Variants in LHFPL6 observed in about 807,000 individuals in gnomAD.
LHFPL6 encodes LHFPL tetraspan subfamily member 6.
Under a neutral mutation model 20.6 loss-of-function variants are expected in LHFPL6, and 9 were observed. That is an observed-to-expected ratio of 0.44 (90% confidence interval 0.26 to 0.76). LHFPL6 has a LOEUF of 0.76. Among genes scored for constraint, LHFPL6 ranks in the 30% least tolerant of loss-of-function variants. The probability of loss-of-function intolerance (pLI) is 0.20; values close to 1 mark genes in which losing one functional copy is unlikely to be tolerated. For synonymous variants in LHFPL6, 105 were observed against 98.7 expected (o/e 1.06, Z -0.38); for missense variants, 218 against 253.5 (o/e 0.86, Z 0.95).
At chr13:39,349,241 T>C (rs1019725811) in intron 3 of LHFPL6, among the ~76,000 whole-genome samples, 1 of 152,234 alleles carries the variant, frequency 6.6e-6, no homozygotes, top group Admixed American at 6.5e-5. Context: ...GAATTTGTTC[T>C]AGTATTACAA....
chr13:39,401,626 TC>T (rs1050003009), intron 2 of LHFPL6, among the ~76,000 whole-genome samples: 1 of 152,204 alleles, frequency 6.6e-6, no homozygotes, highest in Non-Finnish European at 1.5e-5. Flanking sequence ...AATTCAGGTT[TC>T]ACAAAAGTAC....
intron 2 of LHFPL6, among the ~76,000 whole-genome samples, chr13:39,492,071 C>T (rs538416407): frequency 6.6e-5 from 10 of 152,328 alleles, no homozygotes; most frequent in African/African-American, 2.4e-4. Flanking sequence ...CTTTCTATCT[C>T]CTTATCTCTA....
chr13:39,565,961 C>A (rs1871701255), intron 2 of LHFPL6, among the ~76,000 whole-genome samples: 1 of 152,144 alleles, frequency 6.6e-6, no homozygotes, highest in Admixed American at 6.5e-5. Context: ...AACAGAAAAA[C>A]AGTAAGGACA....
intron 2 of LHFPL6, among the ~76,000 whole-genome samples, chr13:39,482,330 A>G (rs983660087): frequency 5.9e-5 from 9 of 152,078 alleles, no homozygotes; most frequent in Non-Finnish European, 1.0e-4. Context: ...TGTAATCCCC[A>G]CTACTCAGGA....
intron 2 of LHFPL6, among the ~76,000 whole-genome samples, chr13:39,548,375 C>G (rs1456825187): frequency 1.3e-5 from 2 of 151,980 alleles, no homozygotes; most frequent in African/African-American, 4.8e-5. Context: ...AATTAAAGAA[C>G]CACCTGGATG....
intron 2 of LHFPL6, among the ~76,000 whole-genome samples, chr13:39,441,389 T>C (rs1257947035): frequency 6.6e-6 from 1 of 152,070 alleles, no homozygotes; most frequent in African/African-American, 2.4e-5. Flanking sequence ...ATTTAAAATA[T>C]GGCTGGGGCA....
chr13:39,349,957 C>T (rs967648430), intron 3 of LHFPL6, among the ~76,000 whole-genome samples: 4 of 152,134 alleles, frequency 2.6e-5, no homozygotes, highest in Admixed American at 2.0e-4. Context: ...CTCTAGAGTT[C>T]GGAGCTTGAA....
chr13:39,548,696 T>C (rs975352067), intron 2 of LHFPL6, among the ~76,000 whole-genome samples: 4 of 152,102 alleles, frequency 2.6e-5, no homozygotes, highest in Admixed American at 2.6e-4. Context: ...TCTCCCTCCT[T>C]AATACCATGC....
chr13:39,508,649 C>T (rs1296667858), intron 2 of LHFPL6, among the ~76,000 whole-genome samples: 1 of 152,142 alleles, frequency 6.6e-6, no homozygotes, highest in African/African-American at 2.4e-5. Context: ...TGCATTGTTG[C>T]ATGTATTATA....
At chr13:39,579,271 C>T (rs1294720070) in intron 2 of LHFPL6, among the ~76,000 whole-genome samples, 2 of 152,194 alleles carry the variant, frequency 1.3e-5, no homozygotes, top group African/African-American at 4.8e-5. Flanking sequence ...TCTCCACCCA[C>T]CACAAGTCTT....
intron 2 of LHFPL6, among the ~76,000 whole-genome samples, chr13:39,520,057 C>A (rs1048431260): frequency 6.6e-6 from 1 of 152,172 alleles, no homozygotes; most frequent in African/African-American, 2.4e-5. Flanking sequence ...TCAGAAGGTT[C>A]TGATCCACCC....
At chr13:39,382,908 T>C (rs1247875854) in intron 2 of LHFPL6, among the ~76,000 whole-genome samples, 2 of 152,110 alleles carry the variant, frequency 1.3e-5, no homozygotes, top group Non-Finnish European at 2.9e-5. Context: ...GGAAAGAAAC[T>C]GCAGACTCCA....
intron 3 of LHFPL6, among the ~76,000 whole-genome samples, chr13:39,370,743 A>G (rs1463954949): frequency 6.6e-6 from 1 of 152,186 alleles, no homozygotes; most frequent in Non-Finnish European, 1.5e-5. Context: ...GCATGAAGCA[A>G]CCCGAAAAGT....
chr13:39,597,002 A>G (rs1485048957), intron 2 of LHFPL6, among the ~76,000 whole-genome samples: 1 of 152,190 alleles, frequency 6.6e-6, no homozygotes, highest in Non-Finnish European at 1.5e-5. Flanking sequence ...CATAACATAG[A>G]GCAAGGGATG....
At chr13:39,378,856 T>C (rs1316729613) in intron 2 of LHFPL6, among the ~76,000 whole-genome samples, 5 of 152,228 alleles carry the variant, frequency 3.3e-5, no homozygotes, top group Admixed American at 1.3e-4. Context: ...CATTAATCCA[T>C]GCAAACAAGT....
At chr13:39,529,223 C>T (rs1870385554) in intron 2 of LHFPL6, among the ~76,000 whole-genome samples, 1 of 152,058 alleles carries the variant, frequency 6.6e-6, no homozygotes, top group South Asian at 2.1e-4. Context: ...TTCTGAGTAG[C>T]TGGGATTACA....
At chr13:39,437,802 C>T (rs548909855) in intron 2 of LHFPL6, among the ~76,000 whole-genome samples, 9 of 150,548 alleles carry the variant, frequency 6.0e-5, no homozygotes, top group South Asian at 2.1e-4. Context: ...CTTGGGAGGC[C>T]GAGGCAGGAG....
intron 2 of LHFPL6, among the ~76,000 whole-genome samples, chr13:39,513,623 C>T (rs1593343854): frequency 6.6e-6 from 1 of 152,126 alleles, no homozygotes; most frequent in East Asian, 1.9e-4. Flanking sequence ...TACTATATTC[C>T]AGTTACTATA....
chr13:39,475,529 T>C (rs557572738), intron 2 of LHFPL6, among the ~76,000 whole-genome samples: 17 of 152,210 alleles, frequency 1.1e-4, no homozygotes, highest in Admixed American at 2.6e-4. Context: ...TGATTTAACA[T>C]GCCCACCAAA....
Sources: gnomAD v4.1 joint callset for allele counts (sites outside exome capture counted in the v4.1 genomes callset) on GRCh38, gnomAD v4.1.1 for gene constraint, MANE v1.5 for transcripts, NCBI Gene and HGNC (gene_info 2026-07-23, HGNC 2026-07-21) for gene names.